The following NOTCH2 variants were observed in gnomAD, a reference collection of about 807,000 sequenced individuals.
NOTCH2 encodes neurogenic locus notch homolog protein 2.
NOTCH2 carries 29 observed loss-of-function variants against 235.8 expected under a neutral mutation model. The observed-to-expected ratio is 0.12, with a 90% CI of 0.09 to 0.17. The LOEUF is 0.17. NOTCH2 is among the 10% of genes least tolerant of loss of function. The probability of loss-of-function intolerance (pLI) is 1.00; values close to 1 mark genes in which losing one functional copy is unlikely to be tolerated. For synonymous variants in NOTCH2, 1,086 were observed against 1,141.5 expected, an observed-to-expected ratio of 0.95 and a Z score of 0.98; for missense variants, 2,285 against 3,150.2, an observed-to-expected ratio of 0.73 and a Z score of 6.57.
chr1:119,953,470 A>T, intron 14 of NOTCH2, 73 bp downstream of exon 14: 2 of 1,493,568 alleles, frequency 1.3e-6, no homozygotes. Flanking sequence ...AAGGAAACTA[A>T]GAAGTGAGTC....
At chr1:119,922,077 TCTGA>T (rs1383003772) in intron 28 of NOTCH2, among the ~76,000 whole-genome samples, 155 bp downstream of exon 28, 4 of 152,208 alleles carry the variant, frequency 2.6e-5, no homozygotes, top group Non-Finnish European at 5.9e-5. Context: ...GCACCCACGC[TCTGA>T]CTGTGGTTTC....
chr1:120,002,564 GA>G, intron 3 of NOTCH2, among the ~76,000 whole-genome samples: 1 of 143,760 alleles, frequency 7.0e-6, no homozygotes, highest in African/African-American at 2.6e-5. Context: ...GGTGTTTGCT[GA>G]AGGCAAAAGG....
At chr1:119,973,340 A>C (rs1401424245) in intron 5 of NOTCH2, among the ~76,000 whole-genome samples, 1 of 97,708 alleles carries the variant, frequency 1.0e-5, no homozygotes, top group Non-Finnish European at 2.8e-5. Flanking sequence ...TAAAATTCCC[A>C]GTGGAACATC....
intron 22 of NOTCH2, among the ~76,000 whole-genome samples, chr1:119,929,750 A>G (rs1279293633): frequency 6.6e-6 from 1 of 152,232 alleles, no homozygotes; most frequent in Non-Finnish European, 1.5e-5. Context: ...AAATAAATTC[A>G]GTGTAGCTTA....
At chr1:119,959,947 A>G (rs1252550249) in intron 11 of NOTCH2, among the ~76,000 whole-genome samples, 2 of 152,240 alleles carry the variant, frequency 1.3e-5, no homozygotes, top group Admixed American at 6.5e-5. Context: ...AACCTTGAGT[A>G]ATGTCTACTA....
chr1:119,972,544 T>A (rs1651407292), intron 5 of NOTCH2, among the ~76,000 whole-genome samples: 3 of 152,222 alleles, frequency 2.0e-5, no homozygotes, highest in Non-Finnish European at 2.9e-5. Flanking sequence ...AGCTATTTTG[T>A]ATACATTTCT....
intron 2 of NOTCH2, among the ~76,000 whole-genome samples, chr1:120,027,644 A>C: frequency 7.1e-6 from 1 of 141,566 alleles, no homozygotes; most frequent in Non-Finnish European, 1.5e-5. Flanking sequence ...ACCCCCTGAC[A>C]GGCCCCAGTG....
At chr1:119,937,165 TA>T in intron 21 of NOTCH2, 116 bp downstream of exon 21, 1 of 1,065,248 alleles carries the variant, frequency 9.4e-7, no homozygotes, top group East Asian at 2.4e-5. Context: ...CGGGGATTGG[TA>T]AAAATCTATA....
intron 1 of NOTCH2, among the ~76,000 whole-genome samples, chr1:120,039,388 T>C (rs1324939959): frequency 1.3e-5 from 2 of 151,586 alleles, no homozygotes; most frequent in Non-Finnish European, 2.9e-5. Context: ...CCTGTGCTTT[T>C]AGAAAACTCC....
chr1:120,011,903 C>A (rs1553206989), intron 2 of NOTCH2, among the ~76,000 whole-genome samples: 1 of 149,630 alleles, frequency 6.7e-6, no homozygotes. Flanking sequence ...GTAGTCCCAG[C>A]TACTCGGGAG....
chr1:120,069,341 G>T lies in NOTCH2; in HGVS notation c.66C>A (p.Pro22=), dbSNP rs782272330. 6.4e-7 allele frequency: 1 copy of T among 1,569,212 alleles called. No individual in the cohort carries two copies. Among genetic ancestry groups the T allele is most frequent in the Non-Finnish European group, 8.6e-7 (1 of 1,166,050 alleles). ...LLALWLCCAA[P]AHALQCRDGY... ...CCTCAGCCCGATACTCACCATGCGC[G>T]GGGGCCGCGCAGCACAGCCAGAGCG... is the stretch of plus-strand genomic sequence containing the variant. Residue 22 remains proline (P), a synonymous_variant, in exon 1 of 34, where the codon CCC becomes CCA. Transcript: ENST00000256646.
At chr1:120,030,224 G>C (rs587721611) in intron 1 of NOTCH2, among the ~76,000 whole-genome samples, 24 of 152,140 alleles carry the variant, frequency 1.6e-4, no homozygotes, top group Middle Eastern at 3.4e-3. Flanking sequence ...CTGTGTTTTA[G>C]TATCTCCAGC....
At chr1:119,972,034 GT>G (rs1553200422) in intron 5 of NOTCH2, among the ~76,000 whole-genome samples, 2 of 151,948 alleles carry the variant, frequency 1.3e-5, no homozygotes, top group African/African-American at 4.8e-5. Context: ...CACTGAGGTA[GT>G]GAGTGAGGGA....
Position 120,006,060 on chromosome 1 carries a change from G to A in NOTCH2, c.156-472C>T, listed in dbSNP as rs1247516778. Among the ~76,000 whole-genome samples, 3 of 151,666 alleles carry A rather than the reference G, an allele frequency of 2.0e-5. No individual in the cohort carries two copies. In the East Asian group the frequency reaches 5.8e-4, roughly 29 times the overall value. The stretch of plus-strand genomic sequence containing the variant: ...TATTATCCCCTCCAATTTAAAATAT[G>A]TAAGATATCATGTGCTTTTCCTCAA... On this transcript the variant is annotated intron_variant, in intron 2 of 33. Coordinates refer to ENST00000256646, the MANE Select transcript of NOTCH2 (RefSeq NM_024408.4).
In NOTCH2 at chr1:119,923,876, C is replaced by T; in HGVS notation, c.4620G>A (p.Glu1540=). Residue 1540 remains glutamate, a synonymous_variant, in exon 26 of 34, where the codon GAG becomes GAA. Transcript: ENST00000256646. The part of the protein sequence containing the change: ...DGLDCAADQP[E]NLAEGTLVIV... Reference sequence around the variant, plus strand: ...TAACCAGGGTACCTTCTGCCAGGTTCTCAGGTTGGTCAGCAGCACAGTCCA... The same window carrying T: ...TAACCAGGGTACCTTCTGCCAGGTTTTCAGGTTGGTCAGCAGCACAGTCCA... The T allele has an allele frequency of 6.2e-7, 1 of 1,614,206 alleles. No homozygotes were observed. Among genetic ancestry groups the T allele is most frequent in the Non-Finnish European group, 8.5e-7 (1 of 1,180,044 alleles).
chr1:120,068,811 G>A (rs587740896), intron 1 of NOTCH2: 1 of 397,466 alleles, frequency 2.5e-6, no homozygotes, highest in Non-Finnish European at 4.8e-6. Context: ...GCAAAACCCC[G>A]TCCCCATCCA....
At chr1:119,928,824 T>C in intron 23 of NOTCH2, 152 bp downstream of exon 23, 1 of 694,484 alleles carries the variant, frequency 1.4e-6, no homozygotes, top group South Asian at 1.6e-5. Flanking sequence ...AAGTACAGAC[T>C]AAGAAAAAAC....
At chr1:119,918,654 G>C in intron 31 of NOTCH2, 101 bp from the exon 32 acceptor site, 1 of 1,165,120 alleles carries the variant, frequency 8.6e-7, no homozygotes, top group Non-Finnish European at 1.3e-6. Flanking sequence ...CTACAGTGTA[G>C]ATTCCTGGAG....
chr1:119,996,895 C>T (rs1652477483), intron 4 of NOTCH2, 102 bp downstream of exon 4: 3 of 1,426,530 alleles, frequency 2.1e-6, no homozygotes, highest in Non-Finnish European at 2.9e-6. Context: ...TTCTCACTTC[C>T]CTTTTTCCTT....
Sources: gnomAD v4.1 joint callset for allele counts (sites outside exome capture counted in the v4.1 genomes callset) on GRCh38, gnomAD v4.1.1 for gene constraint, MANE v1.5 for transcripts, NCBI Gene and HGNC (gene_info 2026-07-23, HGNC 2026-07-21) for gene names.